LMF1: variants seen among roughly 807,000 people sequenced by gnomAD.
LMF1 encodes transmembrane protein 112.
A neutral mutation model predicts 60.6 loss-of-function variants in LMF1; 68 were observed. The observed-to-expected ratio is 1.12, with a 90% CI of 0.92 to 1.37. The LOEUF is 1.37. Ranked by LOEUF, LMF1 falls within the 40% of genes most tolerant of loss-of-function variation. The pLI is 0.00. For synonymous variants in LMF1, 418 were observed against 324.7 expected (o/e 1.29, Z -3.09); for missense variants, 948 against 767.2 (o/e 1.24, Z -2.78).
chr16:948,559 G>A (rs75960802), intron 2 of LMF1, among the ~76,000 whole-genome samples: 69,194 of 146,558 alleles, frequency 0.47, 18,160 homozygotes, highest in African/African-American at 0.69. Context: ...CAGACACAGC[G>A]ACAGAGTTAG....
chr16:979,873 G>C (rs571021848), intron 1 of LMF1: 6 of 410,924 alleles, frequency 1.5e-5, no homozygotes, highest in Admixed American at 2.6e-5. Context: ...CCTAACAGAT[G>C]AGTTCCGCGG....
At chr16:904,319 T>C (rs71382293) in intron 4 of LMF1, among the ~76,000 whole-genome samples, 111 of 99,462 alleles carry the variant, frequency 1.1e-3, no homozygotes, top group Non-Finnish European at 1.1e-3. Context: ...TGGGGACGCC[T>C]GTCTCTGCTG....
intron 3 of LMF1, 68 bp from the exon 4 acceptor site, chr16:911,147 G>C (rs774529750): frequency 3.2e-6 from 5 of 1,539,034 alleles, no homozygotes; most frequent in Non-Finnish European, 4.4e-6. Flanking sequence ...AATCATTTCA[G>C]AAACTCAGTT....
At chr16:895,325 G>C (rs1596934808) in intron 4 of LMF1, among the ~76,000 whole-genome samples, 2 of 152,194 alleles carry the variant, frequency 1.3e-5, no homozygotes, top group African/African-American at 4.8e-5. Flanking sequence ...AGCCCATCAC[G>C]GGCTGTAGCC....
intron 4 of LMF1, among the ~76,000 whole-genome samples, chr16:898,775 C>T (rs1014917982): frequency 1.3e-5 from 2 of 152,240 alleles, no homozygotes; most frequent in Non-Finnish European, 2.9e-5. Context: ...GCCCTAGTCA[C>T]CATACCATGT....
Position 874,307 on chromosome 16 carries a change from G to C in LMF1, c.898-2966C>G, listed in dbSNP as rs1008898346. ...GGGCCTCCGGGCCTCTGTCTTGAGC[G>C]GGCGTGGGGTGCAGCCACCACAGGG... On this transcript the variant is annotated intron_variant, in intron 6 of 10. Coordinates refer to ENST00000262301, the MANE Select transcript of LMF1 (RefSeq NM_022773.4). This position sits in a 1 kb window ranked among gnomAD's most constrained non-coding sequence, Gnocchi z 4.1. Among the ~76,000 whole-genome samples the C allele has an allele frequency of 1.3e-5, 2 of 152,094 alleles. No individual in the cohort carries two copies. The highest frequency in any genetic ancestry group is 2.4e-5 in the African/African-American group (1 of 41,430).
At chr16:922,678 A>G (rs113429825) in intron 3 of LMF1, among the ~76,000 whole-genome samples, 1,144 of 51,424 alleles carry the variant, frequency 0.022, 8 homozygotes, top group Middle Eastern at 0.086. Context: ...GTGATGTGGT[A>G]TTGGTGTCGT....
intron 6 of LMF1, among the ~76,000 whole-genome samples, chr16:876,729 C>T (rs1021602290): frequency 1.2e-4 from 18 of 150,218 alleles, no homozygotes; most frequent in East Asian, 4.0e-4. Flanking sequence ...GCGGGCTGGG[C>T]GGGCTGAGGA....
chr16:871,516 C>T (rs2069793074), intron 6 of LMF1, 175 bp from the exon 7 acceptor site: 2 of 639,560 alleles, frequency 3.1e-6, no homozygotes, highest in Non-Finnish European at 5.4e-6. Flanking sequence ...ATGGAGGGGA[C>T]AGCAGATGCC....
intron 5 of LMF1, among the ~76,000 whole-genome samples, chr16:886,254 G>C (rs2070302960): frequency 6.6e-6 from 1 of 152,194 alleles, no homozygotes; most frequent in South Asian, 2.1e-4. Context: ...CTCAGATGCA[G>C]GCGCTGCTGT....
chr16:955,094 C>T (rs142750551), intron 1 of LMF1, among the ~76,000 whole-genome samples: 9,020 of 61,388 alleles, frequency 0.15, 752 homozygotes, highest in African/African-American at 0.35. Context: ...GCAGCAGACG[C>T]GGTGTGTGCA....
intron 4 of LMF1, chr16:902,198 T>C (rs1338710487): frequency 6.6e-6 from 1 of 152,166 alleles, no homozygotes; most frequent in African/African-American, 2.4e-5. Flanking sequence ...ACGCCTGGGG[T>C]GGACAGCCCT....
chr16:903,947 T>C (rs1427180589), intron 4 of LMF1: 21 of 140,548 alleles, frequency 1.5e-4, no homozygotes, highest in South Asian at 4.0e-4. Flanking sequence ...ACAGGACGCC[T>C]GTCTCTGCTG....
chr16:894,062 A>T (rs972382840), intron 4 of LMF1, among the ~76,000 whole-genome samples: 4 of 40,194 alleles, frequency 1.0e-4, no homozygotes, highest in Non-Finnish European at 2.1e-4. Context: ...CCACCAGACC[A>T]TCCGCCCACC....
intron 3 of LMF1, chr16:931,529 C>T (rs1460324019): frequency 4.2e-5 from 35 of 842,412 alleles, no homozygotes; most frequent in East Asian, 6.5e-5. Context: ...TCTCCCAGGC[C>T]GTCCCGAACG....
chr16:955,313 C>G (rs1187849552), intron 1 of LMF1, among the ~76,000 whole-genome samples: 2 of 137,854 alleles, frequency 1.5e-5, no homozygotes, highest in African/African-American at 2.8e-5. Context: ...GCAGCAGACG[C>G]GGTGTGTGCA....
At position 897,265 on chromosome 16, in the gene LMF1, C is replaced by A. The variant is rs887309306; in HGVS notation, c.664-4193G>T. On this transcript the variant is annotated intron_variant, in intron 4 of 10. Coordinates refer to ENST00000262301, the MANE Select transcript of LMF1 (RefSeq NM_022773.4). This position sits in a 1 kb window ranked among gnomAD's most constrained non-coding sequence, Gnocchi z 4.3. ...GGAGAAGGAGACACTCTGTGGAGAC[C>A]CCGCTTCTCTCACTTGGCCCCCAGA... is the stretch of plus-strand genomic sequence containing the variant. Among the ~76,000 whole-genome samples the A allele has an allele frequency of 7.9e-5, 12 of 152,176 alleles. No homozygotes were observed. The highest frequency in any genetic ancestry group is 1.8e-4 in the Non-Finnish European group (12 of 68,028).
intron 3 of LMF1, among the ~76,000 whole-genome samples, chr16:932,933 C>T (rs2071834287): frequency 6.6e-6 from 1 of 151,170 alleles, no homozygotes; most frequent in Non-Finnish European, 1.5e-5. Context: ...ACTCAGGCCG[C>T]CGCACACGCT....
At chr16:940,655 A>G (rs1268209079) in intron 2 of LMF1, among the ~76,000 whole-genome samples, 2 of 152,254 alleles carry the variant, frequency 1.3e-5, no homozygotes, top group African/African-American at 4.8e-5. Context: ...CTTAGGTCAG[A>G]TGACAAACTG....
Sources: gnomAD v4.1 joint callset for allele counts (sites outside exome capture counted in the v4.1 genomes callset) on GRCh38, gnomAD v4.1.1 for gene constraint, Gnocchi (gnomAD v3.1) non-coding constraint, MANE v1.5 for transcripts, NCBI Gene and HGNC (gene_info 2026-07-23, HGNC 2026-07-21) for gene names.